Variants in TULP4 observed in about 807,000 individuals in gnomAD.
TULP4 encodes the protein tubby-related protein 4.
In TULP4, 16 loss-of-function variants were observed where a neutral mutation model predicts 129.0. The observed-to-expected ratio is 0.12, with a 90% confidence interval of 0.08 to 0.19. The LOEUF is 0.19. Ranked by LOEUF, TULP4 falls within the 10% of genes least tolerant of loss-of-function variation. The pLI is 1.00. For synonymous variants in TULP4, 998 were observed against 854.0 expected, an observed-to-expected ratio of 1.17 and a Z score of -2.94; for missense variants, 1,842 against 2,059.1, an observed-to-expected ratio of 0.89 and a Z score of 2.04.
chr6:158,236,794 T>C (rs934413094), intron 1 of TULP4, among the ~76,000 whole-genome samples: 5 of 87,018 alleles, frequency 5.7e-5, no homozygotes, highest in South Asian at 4.1e-4. Context: ...CCAATTCTTT[T>C]CTTTTTTTTT....
chr6:158,364,847 C>T (rs1363232292), intron 1 of TULP4, among the ~76,000 whole-genome samples: 1 of 152,112 alleles, frequency 6.6e-6, no homozygotes, highest in Non-Finnish European at 1.5e-5. Flanking sequence ...CGCCATTCTC[C>T]TGACTCAGCC....
chr6:158,306,708 G>A (rs1779221517), intron 1 of TULP4, among the ~76,000 whole-genome samples: 1 of 152,122 alleles, frequency 6.6e-6, no homozygotes, highest in South Asian at 2.1e-4. Flanking sequence ...GTTATCTGTT[G>A]ATATTTACCA....
chr6:158,327,662 G>C (rs1026756579), intron 1 of TULP4, among the ~76,000 whole-genome samples: 6 of 108,660 alleles, frequency 5.5e-5, no homozygotes, highest in African/African-American at 2.1e-4. Context: ...TACAAATTAT[G>C]GTTTTAAACA....
chr6:158,453,903 A>G (rs2115154263), intron 5 of TULP4, among the ~76,000 whole-genome samples: 1 of 152,040 alleles, frequency 6.6e-6, no homozygotes, highest in Middle Eastern at 3.4e-3. Flanking sequence ...CAGTGAGCCA[A>G]GACCGCACCA....
Position 158,313,430 on chromosome 6 carries a change from C to T in TULP4, c.-587C>T, listed in dbSNP as rs986278216. 1 of 398,912 alleles carries T rather than the reference C, an allele frequency of 2.5e-6. No homozygotes were observed. The highest frequency in any genetic ancestry group is 2.1e-5 in the African/African-American group (1 of 48,734). The allele number at this position is 398,912 out of a possible 1,614,324, so 24.7% of individuals were successfully genotyped here. On this transcript the variant is annotated 5_prime_UTR_variant, in exon 1 of 14. Coordinates refer to ENST00000367097, the MANE Select transcript of TULP4 (RefSeq NM_020245.5). ...TTTCCCTTTATGCAATCTTTTTCAGCTTTAGCAGCAGAAATTTGTCTAGTT... is the reference window on the plus strand; with the variant it reads ...TTTCCCTTTATGCAATCTTTTTCAGTTTTAGCAGCAGAAATTTGTCTAGTT...
At chr6:158,376,833 C>T (rs767164550) in intron 1 of TULP4, among the ~76,000 whole-genome samples, 2 of 152,194 alleles carry the variant, frequency 1.3e-5, no homozygotes, top group African/African-American at 2.4e-5. Flanking sequence ...ATGTGGCTGT[C>T]AGGCCAGTAG....
At chr6:158,440,900 A>T (rs545297445) in intron 3 of TULP4, among the ~76,000 whole-genome samples, 1 of 152,360 alleles carries the variant, frequency 6.6e-6, no homozygotes, top group South Asian at 2.1e-4. Context: ...TTGACATGAC[A>T]GTTAAGATGT....
intron 6 of TULP4, among the ~76,000 whole-genome samples, chr6:158,474,780 A>G (rs1779777478): frequency 6.6e-6 from 1 of 152,214 alleles, no homozygotes; most frequent in South Asian, 2.1e-4. Context: ...TCAGGTGAGC[A>G]TCCCAAATCT....
intron 4 of TULP4, among the ~76,000 whole-genome samples, chr6:158,450,753 A>G (rs1280306706): frequency 4.2e-5 from 1 of 24,018 alleles, no homozygotes; most frequent in Non-Finnish European, 7.8e-5. Context: ...TTTATTATTG[A>G]AAAAAAAAAA....
intron 3 of TULP4, among the ~76,000 whole-genome samples, chr6:158,445,939 G>A (rs899034511): frequency 1.3e-5 from 2 of 152,162 alleles, no homozygotes; most frequent in African/African-American, 2.4e-5. Context: ...CTAGAGAGAA[G>A]AGGGCCTAGA....
intron 1 of TULP4, among the ~76,000 whole-genome samples, chr6:158,380,731 TA>T (rs1485030777): frequency 6.6e-6 from 1 of 150,620 alleles, no homozygotes; most frequent in Non-Finnish European, 1.5e-5. Flanking sequence ...CTGCCTCTAC[TA>T]AAAATACAAA....
intron 3 of TULP4, among the ~76,000 whole-genome samples, chr6:158,433,609 G>A (rs956275280): frequency 6.6e-6 from 1 of 152,212 alleles, no homozygotes; most frequent in Non-Finnish European, 1.5e-5. Context: ...TACTCCGGAG[G>A]CTGAGGCAGG....
At chr6:158,340,134 G>A (rs531477078) in intron 1 of TULP4, among the ~76,000 whole-genome samples, 2 of 152,248 alleles carry the variant, frequency 1.3e-5, no homozygotes, top group South Asian at 4.1e-4. Flanking sequence ...CATGTTCAGA[G>A]ATCTGTAATT....
intron 1 of TULP4, among the ~76,000 whole-genome samples, chr6:158,316,893 C>T (rs1779504815): frequency 6.6e-6 from 1 of 152,220 alleles, no homozygotes; most frequent in Middle Eastern, 3.2e-3. Flanking sequence ...TAGTCCCAGC[C>T]ATGTGGCCCT....
chr6:158,347,596 T>TGCCTCTGACTTCATCTCCTGC (rs1780341832), intron 1 of TULP4, among the ~76,000 whole-genome samples: 2 of 152,242 alleles, frequency 1.3e-5, no homozygotes, highest in African/African-American at 4.8e-5. Context: ...TCATCGCTTG[T>TGCCTCTGACTTCATCTCCTGC]GCCTCTGACT....
chr6:158,349,193 C>T (rs914885803), intron 1 of TULP4, among the ~76,000 whole-genome samples: 2 of 149,338 alleles, frequency 1.3e-5, no homozygotes, highest in African/African-American at 4.9e-5. Flanking sequence ...GGCAGAGGCG[C>T]TCCTCACCTC....
rs191568021 is a variant in TULP4, at chr6:158,433,177, G to T, written c.543+3280G>T. ...TTAAATTGACTTTTTCATGAGGTCA[G>T]TGTGGCCACCTTACACGCTGTCCCC... On this transcript the variant is annotated intron_variant, in intron 3 of 13. Coordinates refer to ENST00000367097, the MANE Select transcript of TULP4 (RefSeq NM_020245.5). Among the ~76,000 whole-genome samples, 14 of 152,306 alleles carry T rather than the reference G, an allele frequency of 9.2e-5. 1 individual carries two copies. The highest frequency in any genetic ancestry group is 7.8e-4 in the Admixed American group (12 of 15,298).
chr6:158,269,421 G>A (rs1422255480), intron 1 of TULP4, among the ~76,000 whole-genome samples: 2 of 151,646 alleles, frequency 1.3e-5, no homozygotes, highest in African/African-American at 4.8e-5. Flanking sequence ...GTCTCACTGG[G>A]AGACTGAGAA....
intron 6 of TULP4, among the ~76,000 whole-genome samples, chr6:158,471,339 A>G (rs1264478765): frequency 6.6e-6 from 1 of 152,220 alleles, no homozygotes; most frequent in African/African-American, 2.4e-5. Context: ...GTAATCCTAG[A>G]GTCAGTAGTA....
Sources: allele counts gnomAD v4.1 joint callset (sites outside exome capture counted in the v4.1 genomes callset), GRCh38; gene constraint gnomAD v4.1.1; transcripts MANE v1.5; gene names NCBI Gene and HGNC (gene_info 2026-07-23, HGNC 2026-07-21).